AGAP1: variants seen among roughly 807,000 people sequenced by gnomAD.
The protein encoded by AGAP1 is arf-GAP with GTPase, ANK repeat and PH domain-containing protein 1.
In AGAP1, 29 loss-of-function variants were observed where a neutral mutation model predicts 105.3. The observed-to-expected ratio is 0.28, with a 90% CI of 0.21 to 0.38. The LOEUF is 0.38. Ranked by LOEUF, AGAP1 falls within the 10% of genes least tolerant of loss-of-function variation. The pLI is 1.00. For synonymous variants in AGAP1, 509 were observed against 485.9 expected (o/e 1.05, Z -0.63); for missense variants, 998 against 1,165.1 (o/e 0.86, Z 2.09).
At chr2:235,657,082 G>A (rs1161683106) in intron 1 of AGAP1, among the ~76,000 whole-genome samples, 1 of 152,180 alleles carries the variant, frequency 6.6e-6, no homozygotes, top group African/African-American at 2.4e-5. Flanking sequence ...ACTTTCCCCA[G>A]GAGTATCACA....
rs968749044 is a variant in AGAP1, at chr2:236,053,748, G to C, written c.2114+4467G>C. On this transcript the variant is annotated intron_variant, in intron 16 of 17. Coordinates refer to ENST00000304032, the MANE Select transcript of AGAP1 (RefSeq NM_001037131.3). The surrounding 1 kb of genome is among the most constrained non-coding windows in gnomAD (Gnocchi z 4.6). The stretch of plus-strand genomic sequence containing the variant: ...TGGCGGCTTAGGAGCCTGCTGATTT[G>C]GGCCAGGAAATCAAAGGAACCTGGA... Among the ~76,000 whole-genome samples, 4 of 152,230 alleles carry C rather than the reference G, an allele frequency of 2.6e-5. No individual in the cohort carries two copies. Among genetic ancestry groups the C allele is most frequent in the African/African-American group, 9.6e-5 (4 of 41,460 alleles).
At chr2:235,706,810 T>C (rs1950559110) in intron 1 of AGAP1, among the ~76,000 whole-genome samples, 1 of 152,220 alleles carries the variant, frequency 6.6e-6, no homozygotes, top group African/African-American at 2.4e-5. Flanking sequence ...TCATCATCAT[T>C]GACCTTTCAG....
Position 235,993,369 on chromosome 2 carries a change from G to A in AGAP1, c.1645+24746G>A, listed in dbSNP as rs948410942. Among the ~76,000 whole-genome samples the A allele has an allele frequency of 6.6e-5, 10 of 152,234 alleles. No individual in the cohort carries two copies. The highest frequency in any genetic ancestry group is 2.4e-4 in the African/African-American group (10 of 41,450). ...TTCGACTAGGCTGGAAGCCCAAGAAGGCAGGAGACTCGTCTCAGATATTTC... is the reference window on the plus strand; with the variant it reads ...TTCGACTAGGCTGGAAGCCCAAGAAAGCAGGAGACTCGTCTCAGATATTTC... On this transcript the variant is annotated intron_variant, in intron 13 of 17. Coordinates refer to ENST00000304032, the MANE Select transcript of AGAP1 (RefSeq NM_001037131.3). This position sits in a 1 kb window ranked among gnomAD's most constrained non-coding sequence, Gnocchi z 5.0.
chr2:235,598,655 T>G (rs567422319), intron 1 of AGAP1, among the ~76,000 whole-genome samples: 2 of 152,164 alleles, frequency 1.3e-5, no homozygotes, highest in Admixed American at 6.5e-5. Context: ...TGCAAAGATA[T>G]GAAAAGGAGC....
intron 1 of AGAP1, among the ~76,000 whole-genome samples, chr2:235,534,735 G>A (rs1342271709): frequency 6.6e-6 from 1 of 152,210 alleles, no homozygotes; most frequent in Non-Finnish European, 1.5e-5. Context: ...GGGGATAGTG[G>A]TAGTGTGTCT....
chr2:235,696,047 T>C (rs1043207804), intron 1 of AGAP1, among the ~76,000 whole-genome samples: 13 of 152,138 alleles, frequency 8.5e-5, no homozygotes, highest in African/African-American at 3.1e-4. Context: ...ATGATTGTTT[T>C]GTTTACCATT....
rs55890259 is a variant in AGAP1 at position 235,535,493 on chromosome 2, TA to T, written c.163+40658del. Among the ~76,000 whole-genome samples the T allele has an allele frequency of 0.83, 120,941 of 145,564 alleles. 50,257 individuals carry two copies. Among genetic ancestry groups the T allele is most frequent in the East Asian group, 0.98 (4,835 of 4,948 alleles). The stretch of plus-strand genomic sequence containing the variant: ...TGATCTTAGGGTAGTATTTTGGATT[TA>T]AAAAAAAAAAAAACATGAAATGAAA... On this transcript the variant is annotated intron_variant, in intron 1 of 17. Coordinates refer to ENST00000304032, the MANE Select transcript of AGAP1 (RefSeq NM_001037131.3). The surrounding 1 kb of genome is among the most constrained non-coding windows in gnomAD (Gnocchi z 5.1).
chr2:235,670,919 C>G, intron 1 of AGAP1: 1 of 1,338,406 alleles, frequency 7.5e-7, no homozygotes, highest in Non-Finnish European at 9.5e-7. Context: ...CATCTTCGCG[C>G]GCAGGGACGG....
chr2:235,837,825 GA>G (rs907807988), intron 9 of AGAP1, among the ~76,000 whole-genome samples: 3 of 152,046 alleles, frequency 2.0e-5, no homozygotes, highest in African/African-American at 7.3e-5. Context: ...ATAAATGTTA[GA>G]AAAAAATTAA....
intron 6 of AGAP1, among the ~76,000 whole-genome samples, chr2:235,796,145 T>G (rs554946098): frequency 6.6e-6 from 1 of 152,340 alleles, no homozygotes; most frequent in East Asian, 1.9e-4. Flanking sequence ...TTCAGTGTAA[T>G]TGATAATCAA....
chr2:235,917,274 G>A (rs1443992407), intron 11 of AGAP1, among the ~76,000 whole-genome samples: 1 of 151,980 alleles, frequency 6.6e-6, no homozygotes, highest in African/African-American at 2.4e-5. Context: ...CAGCAAATGT[G>A]TTTTGAGTAT....
chr2:235,510,252 C>A (rs13002671), intron 1 of AGAP1, among the ~76,000 whole-genome samples: 1 of 152,132 alleles, frequency 6.6e-6, no homozygotes, highest in African/African-American at 2.4e-5. Flanking sequence ...AAATTGTCTT[C>A]CACGAAACCG....
chr2:235,770,332 TCA>T (rs1007960077), intron 6 of AGAP1, among the ~76,000 whole-genome samples: 7 of 151,934 alleles, frequency 4.6e-5, no homozygotes, highest in African/African-American at 1.7e-4. Context: ...GAGACGGGTT[TCA>T]CAGTGTTTGC....
rs555253574 is a variant in AGAP1, at chr2:235,751,210, A to T, written c.673+722A>T. Among the ~76,000 whole-genome samples, 7 of 152,108 alleles carry T rather than the reference A, an allele frequency of 4.6e-5. No homozygotes were observed. The highest frequency in any genetic ancestry group is 1.4e-4 in the African/African-American group (6 of 41,508). ...CGGGAGAGGTGGCGTCACCCTGGGG[A>T]TAGGAGGGTCTGGGGTAAATAAGGA... is the stretch of plus-strand genomic sequence containing the variant. On this transcript the variant is annotated intron_variant, in intron 6 of 17. Transcript: ENST00000304032. The surrounding 1 kb of genome is among the most constrained non-coding windows in gnomAD (Gnocchi z 5.3).
chr2:235,672,958 A>C (rs1414521094), intron 1 of AGAP1, among the ~76,000 whole-genome samples: 4 of 152,204 alleles, frequency 2.6e-5, no homozygotes, highest in African/African-American at 9.6e-5. Context: ...CTTTGGTCTG[A>C]GACATGATAT....
At chr2:235,758,889 C>T (rs1231805417) in intron 6 of AGAP1, among the ~76,000 whole-genome samples, 1 of 152,204 alleles carries the variant, frequency 6.6e-6, no homozygotes, top group Admixed American at 6.5e-5. Flanking sequence ...GCCTTCTGGG[C>T]TCAAGCCGTC....
At chr2:235,984,236 A>G (rs2055209905) in intron 13 of AGAP1, among the ~76,000 whole-genome samples, 2 of 152,212 alleles carry the variant, frequency 1.3e-5, no homozygotes, top group African/African-American at 4.8e-5. Flanking sequence ...TCTGTACACC[A>G]TTCTTTTTAA....
At chr2:235,542,264 C>G (rs1943471496) in intron 1 of AGAP1, among the ~76,000 whole-genome samples, 1 of 152,150 alleles carries the variant, frequency 6.6e-6, no homozygotes, top group Admixed American at 6.5e-5. Context: ...TGTTTGAAGC[C>G]TAGTGAGCAG....
rs557040778 is a variant in AGAP1, at chr2:235,620,695, C to T, written c.164-88484C>T. 6.6e-6 allele frequency among the ~76,000 whole-genome samples: 1 copy of T among 152,318 alleles called. No individual in the cohort carries two copies. The highest frequency in any genetic ancestry group is 1.9e-4 in the East Asian group (1 of 5,164). ...TGACATGTCTGGTGTCTCTCTCTCC[C>T]CACTGGATGGAATATAAGGGCTTGT... On this transcript the variant is annotated intron_variant, in intron 1 of 17. Transcript: ENST00000304032. This position sits in a 1 kb window ranked among gnomAD's most constrained non-coding sequence, Gnocchi z 4.5.
Sources: allele counts gnomAD v4.1 joint callset (sites outside exome capture counted in the v4.1 genomes callset), GRCh38; gene constraint gnomAD v4.1.1; non-coding constraint Gnocchi (gnomAD v3.1); transcripts MANE v1.5; gene names NCBI Gene and HGNC (gene_info 2026-07-23, HGNC 2026-07-21).